The following BPGM variants were observed in gnomAD, a reference collection of about 807,000 sequenced individuals.
BPGM encodes 2,3-bisphosphoglycerate mutase, erythrocyte.
In BPGM, 15 loss-of-function variants were observed where a neutral mutation model predicts 21.6. That is an observed-to-expected ratio of 0.70 (90% CI 0.47 to 1.07). The LOEUF (loss-of-function observed/expected upper bound fraction) is 1.07, where lower values mean the gene tolerates loss of function less well. BPGM is among the 50% of genes least tolerant of loss of function. The pLI is 0.00. For synonymous variants in BPGM, 113 were observed against 116.2 expected, an observed-to-expected ratio of 0.97 and a Z score of 0.18; for missense variants, 273 against 319.0, an observed-to-expected ratio of 0.86 and a Z score of 1.10.
In BPGM at chr7:134,661,746, C is replaced by G. The variant is rs1199262784; in HGVS notation, c.239C>G (p.Pro80Arg). 1.9e-6 allele frequency: 3 copies of G among 1,613,990 alleles called. No homozygotes were observed. In the African/African-American group the frequency reaches 4.0e-5, roughly 22 times the overall value. The stretch of plus-strand genomic sequence containing the variant: ...GAAGAGCTAGGCCAGGAATGGGTGC[C>G]TGTGGAAAGCTCCTGGCGTCTAAAT... ...ILEELGQEWVPVESSWRLNER... is the reference protein window; with the variant it reads ...ILEELGQEWVRVESSWRLNER... Residue 80 changes from proline to arginine, a missense_variant, in exon 2 of 3, where the codon CCT becomes CGT. Physicochemically the swap from Pro to Arg is moderately radical, Grantham distance 103. Coordinates refer to ENST00000344924, the MANE Select transcript of BPGM (RefSeq NM_001724.5). This position sits in a 1 kb window ranked among gnomAD's most constrained non-coding sequence, Gnocchi z 4.6.
chr7:134,673,190 TAATAA>T (rs951578933), intron 2 of BPGM, among the ~76,000 whole-genome samples: 5 of 152,126 alleles, frequency 3.3e-5, no homozygotes, highest in African/African-American at 7.2e-5. Context: ...AAAATAATAA[TAATAA>T]AATAAAATAA....
At position 134,678,869 on chromosome 7, in the gene BPGM, C is replaced by T. The variant is rs372627929; in HGVS notation, c.618C>T (p.Asp206=). 1.7e-5 allele frequency: 28 copies of T among 1,613,822 alleles called. No individual in the cohort carries two copies. The highest frequency in any genetic ancestry group is 2.1e-5 in the Non-Finnish European group (25 of 1,179,822). ...GATCAACAGGTATCTCAGATGAAGA[C>T]ATCATCAACATTACTCTTCCTACTG... ...LKHLEGISDE[D]IINITLPTGV... The change falls in exon 3 of 3, where the codon GAC becomes GAT. Residue 206 remains aspartate (D), a synonymous_variant. Coordinates refer to ENST00000344924, the MANE Select transcript of BPGM (RefSeq NM_001724.5).
At chr7:134,655,299 G>A (rs886297226) in intron 1 of BPGM, among the ~76,000 whole-genome samples, 2 of 152,168 alleles carry the variant, frequency 1.3e-5, no homozygotes, top group Admixed American at 6.5e-5. Context: ...TTTCTCAAGA[G>A]TACTAATAAG....
At chr7:134,663,038 G>A (rs1795761182) in intron 2 of BPGM, among the ~76,000 whole-genome samples, 1 of 152,138 alleles carries the variant, frequency 6.6e-6, no homozygotes, top group African/African-American at 2.4e-5. Flanking sequence ...TGCCCTGTCT[G>A]GTGTTTTCCT....
chr7:134,671,537 T>C (rs569273627), intron 2 of BPGM, among the ~76,000 whole-genome samples: 1 of 152,166 alleles, frequency 6.6e-6, no homozygotes, highest in Non-Finnish European at 1.5e-5. Context: ...AATTTTGTTT[T>C]TGTATTTTTA....
At chr7:134,662,412 G>T (rs1285402175) in intron 2 of BPGM, among the ~76,000 whole-genome samples, 1 of 152,208 alleles carries the variant, frequency 6.6e-6, no homozygotes, top group African/African-American at 2.4e-5. Context: ...CGCACCCTGA[G>T]AATCTGCATT....
intron 2 of BPGM, among the ~76,000 whole-genome samples, chr7:134,666,425 A>G (rs1795822451): frequency 6.6e-6 from 1 of 152,176 alleles, no homozygotes; most frequent in Admixed American, 6.6e-5. Flanking sequence ...TTGATGACCA[A>G]GGAGGATGGC....
Position 134,661,705 on chromosome 7 carries a change from A to C in BPGM, c.198A>C (p.Thr66=). The C allele has an allele frequency of 6.2e-7, 1 of 1,614,152 alleles. No homozygotes were observed. Among genetic ancestry groups the C allele is most frequent in the Non-Finnish European group, 8.5e-7 (1 of 1,180,034 alleles). Residue 66 remains threonine, a synonymous_variant, in exon 2 of 3, where the codon ACA becomes ACC. Transcript: ENST00000344924. The surrounding 1 kb of genome is among the most constrained non-coding windows in gnomAD (Gnocchi z 4.6). ...FTSVLNRSIH[T]AWLILEELGQ... Reference sequence around the variant, plus strand: ...CTGTCCTTAATCGGTCCATTCACACAGCCTGGCTGATCCTGGAAGAGCTAG... The same window carrying C: ...CTGTCCTTAATCGGTCCATTCACACCGCCTGGCTGATCCTGGAAGAGCTAG...
In BPGM at chr7:134,661,261, T is replaced by A. The variant is rs1454225152; in HGVS notation, c.-61-186T>A. ...CATCAGAAAATTTAAGTCAACTAGATTCCCTGTAATGAATTATTAATATCT... is the reference window on the plus strand; with the variant it reads ...CATCAGAAAATTTAAGTCAACTAGAATCCCTGTAATGAATTATTAATATCT... On this transcript the variant is annotated intron_variant, in intron 1 of 2. Transcript: ENST00000344924. The surrounding 1 kb of genome is among the most constrained non-coding windows in gnomAD (Gnocchi z 4.6). Among the ~76,000 whole-genome samples, 1 of 152,250 alleles carries A rather than the reference T, an allele frequency of 6.6e-6. No homozygotes were observed. Among genetic ancestry groups the A allele is most frequent in the Non-Finnish European group, 1.5e-5 (1 of 68,048 alleles).
intron 2 of BPGM, among the ~76,000 whole-genome samples, chr7:134,673,042 C>T (rs1262398900): frequency 1.3e-5 from 2 of 152,036 alleles, no homozygotes; most frequent in Non-Finnish European, 2.9e-5. Context: ...GGTGTGGTGG[C>T]GGGCACCTGT....
chr7:134,654,032 T>C (rs945594389), intron 1 of BPGM, among the ~76,000 whole-genome samples: 7 of 152,144 alleles, frequency 4.6e-5, no homozygotes, highest in Admixed American at 2.6e-4. Context: ...AAATACTGTG[T>C]CCACGAAGCC....
Position 134,661,336 on chromosome 7 carries a change from C to G in BPGM, c.-61-111C>G. 3 of 836,422 alleles carry G rather than the reference C, an allele frequency of 3.6e-6. No individual in the cohort carries two copies. Among genetic ancestry groups the G allele is most frequent in the Non-Finnish European group, 3.7e-6 (2 of 536,474 alleles). 51.8% of individuals were successfully genotyped at this position (836,422 alleles called of 1,614,324 possible). On this transcript the variant is annotated intron_variant, in intron 1 of 2. Coordinates refer to ENST00000344924, the MANE Select transcript of BPGM (RefSeq NM_001724.5). The surrounding 1 kb of genome is among the most constrained non-coding windows in gnomAD (Gnocchi z 4.6). ...AGTGTATGAGTTATCACATTTCTGA[C>G]TGTTCAAAGGGATTTCAGTTTCTTT...
At chr7:134,673,903 C>CT (rs11408520) in intron 2 of BPGM, among the ~76,000 whole-genome samples, 20,708 of 122,152 alleles carry the variant, frequency 0.17, 1,953 homozygotes, top group Non-Finnish European at 0.21. Context: ...GATCTGTTTC[C>CT]TTTTTTTTTT....
At chr7:134,650,529 C>T (rs557547692) in intron 1 of BPGM, among the ~76,000 whole-genome samples, 1 of 152,226 alleles carries the variant, frequency 6.6e-6, no homozygotes, top group African/African-American at 2.4e-5. Context: ...TTCTACAAAG[C>T]CTTAGGAAAA....
In BPGM at chr7:134,661,288, T is replaced by C. The variant is rs1445682527; in HGVS notation, c.-61-159T>C. 1.3e-5 allele frequency among the ~76,000 whole-genome samples: 2 copies of C among 152,248 alleles called. No individual in the cohort carries two copies. Among genetic ancestry groups the C allele is most frequent in the Non-Finnish European group, 2.9e-5 (2 of 68,046 alleles). On this transcript the variant is annotated intron_variant, in intron 1 of 2. Transcript: ENST00000344924. The surrounding 1 kb of genome is among the most constrained non-coding windows in gnomAD (Gnocchi z 4.6). Reference sequence around the variant, plus strand: ...CCCTGTAATGAATTATTAATATCTATAGAATATGCCTGTATGTGTCACAGT... The same window carrying C: ...CCCTGTAATGAATTATTAATATCTACAGAATATGCCTGTATGTGTCACAGT...
chr7:134,675,723 C>T (rs1319858395), intron 2 of BPGM, among the ~76,000 whole-genome samples: 1 of 152,034 alleles, frequency 6.6e-6, no homozygotes, highest in East Asian at 1.9e-4. Context: ...CTTAGATTTC[C>T]ATATGAACTT....
At chr7:134,673,883 A>G (rs1157541446) in intron 2 of BPGM, among the ~76,000 whole-genome samples, 1 of 148,602 alleles carries the variant, frequency 6.7e-6, no homozygotes, top group African/African-American at 2.5e-5. Context: ...GTTTTTATTT[A>G]ACCACTCTGG....
chr7:134,668,766 A>G (rs998290549), intron 2 of BPGM, among the ~76,000 whole-genome samples: 5 of 152,218 alleles, frequency 3.3e-5, no homozygotes, highest in Non-Finnish European at 7.3e-5. Context: ...AACTATTGAT[A>G]CACCCATCAT....
At position 134,665,649 on chromosome 7, in the gene BPGM, G is replaced by GAAAAA. The variant is rs1164169964; in HGVS notation, c.601+3561_601+3565dup. ...AAAATAAAATAAAATAAAAATTAAT[G>GAAAAA]AAAAAAAAAAAAAAAAAAAAAAAAG... On this transcript the variant is annotated intron_variant, in intron 2 of 2. Transcript: ENST00000344924. Among the ~76,000 whole-genome samples, 78 of 78,244 alleles carry GAAAAA rather than the reference G, an allele frequency of 1.0e-3. 26 individuals are homozygous for GAAAAA. Among genetic ancestry groups the GAAAAA allele is most frequent in the Middle Eastern group, 9.8e-3 (1 of 102 alleles). The allele number at this position is 78,244 out of a possible 152,430, so 51.3% of individuals were successfully genotyped here.
Sources: allele counts gnomAD v4.1 joint callset (sites outside exome capture counted in the v4.1 genomes callset), GRCh38; gene constraint gnomAD v4.1.1; non-coding constraint Gnocchi (gnomAD v3.1); transcripts MANE v1.5; gene names NCBI Gene and HGNC (gene_info 2026-07-23, HGNC 2026-07-21).